The following TLCD4 variants were observed in gnomAD, a reference collection of about 807,000 sequenced individuals.
TLCD4 encodes the protein TLC domain-containing protein 4.
Under a neutral mutation model 24.2 loss-of-function variants are expected in TLCD4, and 7 were observed. That is an observed-to-expected ratio of 0.29 (90% CI 0.16 to 0.54). TLCD4 has a LOEUF of 0.54. Among genes scored for constraint, TLCD4 ranks in the 20% least tolerant of loss-of-function variants. The pLI is 0.95. For missense variants in TLCD4, 259 were observed against 313.9 expected, an observed-to-expected ratio of 0.82 and a Z score of 1.32; for synonymous variants, 103 against 106.4, an observed-to-expected ratio of 0.97 and a Z score of 0.20.
intron 6 of TLCD4, among the ~76,000 whole-genome samples, chr1:95,176,667 A>G (rs11811724): frequency 0.4 from 60,567 of 151,980 alleles, 13,431 homozygotes; most frequent in East Asian, 0.62. Flanking sequence ...CCCATTTGTC[A>G]GTTTTCGTTT....
chr1:95,149,162 A>G (rs920370264), intron 3 of TLCD4, among the ~76,000 whole-genome samples: 12 of 152,162 alleles, frequency 7.9e-5, no homozygotes, highest in African/African-American at 2.9e-4. Context: ...TTTTGTCTCC[A>G]ATTTATGTTT....
At chr1:95,190,299 C>T (rs530423442) in intron 6 of TLCD4, among the ~76,000 whole-genome samples, 7 of 150,650 alleles carry the variant, frequency 4.6e-5, no homozygotes, top group Middle Eastern at 3.5e-3. Context: ...GATGGGGTTT[C>T]GCCATTTTGG....
intron 5 of TLCD4, among the ~76,000 whole-genome samples, chr1:95,159,159 T>G (rs1392822051): frequency 6.6e-6 from 1 of 152,218 alleles, no homozygotes; most frequent in Non-Finnish European, 1.5e-5. Flanking sequence ...CCACATCCTC[T>G]CCAGCACCTG....
At chr1:95,106,079 C>G in the TLCD4 span, among the ~76,000 whole-genome samples, 1 of 151,908 alleles carries the variant, frequency 6.6e-6, no homozygotes, top group South Asian at 2.1e-4. Flanking sequence ...TAGCCATAGC[C>G]ATATGGAGAG....
intron 1 of TLCD4, among the ~76,000 whole-genome samples, chr1:95,133,994 G>A (rs1023906715): frequency 6.6e-6 from 1 of 151,838 alleles, no homozygotes; most frequent in Admixed American, 6.6e-5. Flanking sequence ...GGGCTAATGG[G>A]TTGGGAAAAA....
chr1:95,135,629 C>T (rs896078904), intron 1 of TLCD4, among the ~76,000 whole-genome samples: 6 of 151,936 alleles, frequency 3.9e-5, no homozygotes, highest in African/African-American at 1.5e-4. Context: ...AACTCCTGAC[C>T]TCAAGTGATC....
chr1:95,119,991 A>G (rs12067935), intron 1 of TLCD4, among the ~76,000 whole-genome samples: 1 of 152,144 alleles, frequency 6.6e-6, no homozygotes, highest in Non-Finnish European at 1.5e-5. Flanking sequence ...GGTGAGAATT[A>G]TGGGCATTTG....
At chr1:95,185,246 A>G (rs1678791924) in intron 6 of TLCD4, among the ~76,000 whole-genome samples, 1 of 152,146 alleles carries the variant, frequency 6.6e-6, no homozygotes, top group South Asian at 2.1e-4. Flanking sequence ...GCACGTTGGT[A>G]AAAGAAGAAT....
intron 5 of TLCD4, among the ~76,000 whole-genome samples, chr1:95,152,355 T>G (rs1231765209): frequency 6.6e-6 from 1 of 151,996 alleles, no homozygotes; most frequent in African/African-American, 2.4e-5. Context: ...AATTATAATT[T>G]TGGGGGGGTA....
intron 2 of TLCD4, among the ~76,000 whole-genome samples, chr1:95,148,295 A>T (rs1677401743): frequency 6.6e-6 from 1 of 152,182 alleles, no homozygotes; most frequent in African/African-American, 2.4e-5. Flanking sequence ...TTCCCAGCTG[A>T]TTGGAGCAGG....
chr1:95,180,867 G>A (rs1678612059), intron 6 of TLCD4, among the ~76,000 whole-genome samples: 1 of 152,048 alleles, frequency 6.6e-6, no homozygotes, highest in Admixed American at 6.5e-5. Context: ...TATAGCGTCT[G>A]GCTTCATGTC....
At chr1:95,160,645 G>T (rs996551924) in intron 5 of TLCD4, among the ~76,000 whole-genome samples, 10 of 152,084 alleles carry the variant, frequency 6.6e-5, no homozygotes, top group African/African-American at 2.4e-4. Context: ...CTGTGGGTTT[G>T]TCACAGTTTT....
intron 5 of TLCD4, among the ~76,000 whole-genome samples, chr1:95,172,558 C>G (rs1678267132): frequency 6.6e-6 from 1 of 152,260 alleles, no homozygotes; most frequent in South Asian, 2.1e-4. Context: ...GGCCATCCCT[C>G]CTTCCTTCTT....
chr1:95,171,376 G>T (rs72722164), intron 5 of TLCD4, among the ~76,000 whole-genome samples: 31,864 of 152,096 alleles, frequency 0.21, 3,428 homozygotes, highest in Admixed American at 0.25. Context: ...AAAAAATCAC[G>T]GCAGCTATGA....
chr1:95,183,250 A>G (rs115313194), intron 6 of TLCD4, among the ~76,000 whole-genome samples: 3,728 of 152,342 alleles, frequency 0.024, 62 homozygotes, highest in Non-Finnish European at 0.035. Context: ...GAGATTTTGA[A>G]GAAATGAAAT....
At chr1:95,098,830 C>T in the TLCD4 span, among the ~76,000 whole-genome samples, 4 of 151,030 alleles carry the variant, frequency 2.6e-5, no homozygotes, top group African/African-American at 9.7e-5. Context: ...TTTGGGAGGC[C>T]GAGGTGGGTG....
chr1:95,171,472 C>A (rs1313114614), intron 5 of TLCD4, among the ~76,000 whole-genome samples: 2 of 152,090 alleles, frequency 1.3e-5, no homozygotes, highest in East Asian at 3.8e-4. Context: ...ATTGACATTG[C>A]CCGTTGGATT....
At chr1:95,126,461 A>G (rs910631802) in intron 1 of TLCD4, among the ~76,000 whole-genome samples, 1 of 151,920 alleles carries the variant, frequency 6.6e-6, no homozygotes, top group Non-Finnish European at 1.5e-5. Flanking sequence ...TGGTAATATC[A>G]AGAACTATTC....
At chr1:95,100,399 A>T in the TLCD4 span, among the ~76,000 whole-genome samples, 1 of 151,910 alleles carries the variant, frequency 6.6e-6, no homozygotes, top group Admixed American at 6.5e-5. Context: ...ACATGGTAAA[A>T]CCTTGTCTCT....
Sources: allele counts gnomAD v4.1 joint callset (sites outside exome capture counted in the v4.1 genomes callset), GRCh38; gene constraint gnomAD v4.1.1; transcripts MANE v1.5; gene names NCBI Gene and HGNC (gene_info 2026-07-23, HGNC 2026-07-21).